GABRA3: variants seen among roughly 807,000 people sequenced by gnomAD.
GABRA3 encodes gamma-aminobutyric acid receptor subunit alpha-3.
GABRA3 carries 10 observed loss-of-function variants against 30.1 expected under a neutral mutation model. The ratio of observed to expected loss-of-function variants is 0.33; its 90% CI spans 0.20 to 0.56. The LOEUF (loss-of-function observed/expected upper bound fraction) is 0.56, where lower values mean the gene tolerates loss of function less well. GABRA3 is among the 20% of genes least tolerant of loss of function. The pLI is 0.89. For missense variants in GABRA3, 233 were observed against 392.0 expected, an observed-to-expected ratio of 0.59 and a Z score of 3.42; for synonymous variants, 151 against 146.8, an observed-to-expected ratio of 1.03 and a Z score of -0.21.
intron 1 of GABRA3, among the ~76,000 whole-genome samples, chrX:152,365,722 C>T (rs1421748606): frequency 9.0e-6 from 1 of 111,072 alleles, no homozygotes; most frequent in African/African-American, 3.3e-5. Flanking sequence ...CATTAAGGAG[C>T]TATTCTGGTT....
intron 3 of GABRA3, among the ~76,000 whole-genome samples, chrX:152,331,314 A>C (rs1039083421): frequency 1.8e-5 from 2 of 110,330 alleles, no homozygotes; most frequent in African/African-American, 6.6e-5. Flanking sequence ...ATCAAGCAGA[A>C]GCTAGATAGC....
intron 3 of GABRA3, among the ~76,000 whole-genome samples, chrX:152,338,141 T>G (rs1464261799): frequency 8.9e-6 from 1 of 111,993 alleles, no homozygotes; most frequent in Non-Finnish European, 1.9e-5. Flanking sequence ...TGATTTACAT[T>G]CCACTCAACA....
At chrX:152,292,774 G>T (rs1939446378) in intron 3 of GABRA3, among the ~76,000 whole-genome samples, 1 of 111,815 alleles carries the variant, frequency 8.9e-6, no homozygotes, top group African/African-American at 3.3e-5. Context: ...TGGTGTCAAA[G>T]AACATATTTA....
chrX:152,173,058 AAGAG>A (rs775078379), intron 9 of GABRA3, among the ~76,000 whole-genome samples: 1 of 111,539 alleles, frequency 9.0e-6, no homozygotes, highest in South Asian at 3.8e-4. Context: ...TAATTAAAAT[AAGAG>A]AGAATTAAAA....
intron 6 of GABRA3, among the ~76,000 whole-genome samples, chrX:152,209,631 A>G (rs1046195653): frequency 8.9e-6 from 1 of 112,387 alleles, no homozygotes; most frequent in African/African-American, 3.2e-5. Context: ...ACTTTGCAAC[A>G]TTGGATATAC....
intron 2 of GABRA3, among the ~76,000 whole-genome samples, chrX:152,359,387 T>C (rs190703621): frequency 3.1e-4 from 34 of 111,398 alleles, no homozygotes; most frequent in African/African-American, 1.1e-3. Flanking sequence ...TGTATTTCTC[T>C]GGGGTCAGCA....
chrX:152,362,789 T>C (rs1928545433), intron 2 of GABRA3, among the ~76,000 whole-genome samples: 1 of 111,676 alleles, frequency 9.0e-6, no homozygotes, highest in Non-Finnish European at 1.9e-5. Flanking sequence ...GGTAGAAAAC[T>C]GGCAAAAATG....
chrX:152,319,030 G>C (rs1002276438), intron 3 of GABRA3, among the ~76,000 whole-genome samples: 22 of 111,748 alleles, frequency 2.0e-4, no homozygotes, highest in African/African-American at 7.1e-4. Flanking sequence ...AATCGGTAAA[G>C]AGGAAGTCAA....
At chrX:152,433,091 C>T (rs749046514) in intron 1 of GABRA3, among the ~76,000 whole-genome samples, 39 of 111,213 alleles carry the variant, frequency 3.5e-4, no homozygotes, top group African/African-American at 1.2e-3. Context: ...AAATTTTCCT[C>T]TCATTCATGG....
chrX:152,313,361 T>A (rs1208126942), intron 3 of GABRA3, among the ~76,000 whole-genome samples: 1 of 111,599 alleles, frequency 9.0e-6, no homozygotes, highest in East Asian at 2.8e-4. Context: ...TCTTTGCATC[T>A]TGTTGCCTTA....
chrX:152,295,487 A>G (rs905757394), intron 3 of GABRA3, among the ~76,000 whole-genome samples: 1 of 113,141 alleles, frequency 8.8e-6, no homozygotes, highest in African/African-American at 3.2e-5. Flanking sequence ...CTCCGTGGGC[A>G]TGGGATCTGC....
At chrX:152,428,159 C>T (rs1365324338) in intron 1 of GABRA3, among the ~76,000 whole-genome samples, 1 of 112,276 alleles carries the variant, frequency 8.9e-6, no homozygotes, top group East Asian at 2.8e-4. Flanking sequence ...GAGAGACACC[C>T]TGTCTCATTT....
chrX:152,273,912 T>C (rs13441034), intron 4 of GABRA3, among the ~76,000 whole-genome samples: 5,558 of 111,395 alleles, frequency 0.05, 276 homozygotes, highest in African/African-American at 0.15. Flanking sequence ...ATAAGTAAAA[T>C]AGATAAATAA....
intron 3 of GABRA3, among the ~76,000 whole-genome samples, chrX:152,338,716 G>C (rs1245412824): frequency 8.9e-6 from 1 of 112,179 alleles, no homozygotes; most frequent in Non-Finnish European, 1.9e-5. Context: ...TGTATGATGA[G>C]AGATAGGGGT....
intron 1 of GABRA3, among the ~76,000 whole-genome samples, chrX:152,387,686 TA>T (rs1929361227): frequency 8.9e-6 from 1 of 112,053 alleles, no homozygotes; most frequent in Non-Finnish European, 1.9e-5. Flanking sequence ...TATATATCCT[TA>T]AAAACTTAGT....
chrX:152,360,710 A>C (rs1224721731), intron 2 of GABRA3, among the ~76,000 whole-genome samples: 3 of 83,857 alleles, frequency 3.6e-5, no homozygotes, highest in African/African-American at 1.5e-4. Context: ...AAAAAAAAAA[A>C]TTAAAAAAAA....
chrX:152,342,005 T>A (rs952258782), intron 3 of GABRA3, among the ~76,000 whole-genome samples: 1 of 111,858 alleles, frequency 8.9e-6, no homozygotes, highest in Non-Finnish European at 1.9e-5. Flanking sequence ...CCCAAGTAGC[T>A]GGGACTACAG....
chrX:152,299,838 G>T (rs749921230), intron 3 of GABRA3, among the ~76,000 whole-genome samples: 1 of 111,925 alleles, frequency 8.9e-6, no homozygotes, highest in South Asian at 3.8e-4. Flanking sequence ...TTTCCTGTAT[G>T]TTATTGTTTT....
rs201326581 is a variant in GABRA3 at position 152,364,516 on chromosome X, G to A, written c.55C>T (p.Leu19=). Residue 19 remains leucine (L), a synonymous_variant, in exon 2 of 10, where the codon CTG becomes TTG. Coordinates refer to ENST00000370314, the MANE Select transcript of GABRA3 (RefSeq NM_000808.4). ...CYMTSLGILF[L]INILPGTTGQ... Reference sequence around the variant, plus strand: ...GTGGTTCCAGGGAGAATATTAATCAGGAAAAGAATCCCAAGGCTGGTCATG... The same window carrying A: ...GTGGTTCCAGGGAGAATATTAATCAAGAAAAGAATCCCAAGGCTGGTCATG... 8.3e-7 allele frequency: 1 copy of A among 1,208,338 alleles called. No individual in the cohort carries two copies. The highest frequency in any genetic ancestry group is 1.1e-6 in the Non-Finnish European group (1 of 893,139).
Sources: allele counts gnomAD v4.1 joint callset (sites outside exome capture counted in the v4.1 genomes callset), GRCh38; gene constraint gnomAD v4.1.1; transcripts MANE v1.5; gene names NCBI Gene and HGNC (gene_info 2026-07-23, HGNC 2026-07-21).